FOXP1: variants seen among roughly 807,000 people sequenced by gnomAD.
The protein encoded by FOXP1 is forkhead box P1, also known as forkhead box protein P1.
A neutral mutation model predicts 98.2 loss-of-function variants in FOXP1; 15 were observed. The ratio of observed to expected loss-of-function variants is 0.15; its 90% CI spans 0.10 to 0.24. The LOEUF (loss-of-function observed/expected upper bound fraction) is 0.24, where lower values mean the gene tolerates loss of function less well. FOXP1 is among the 10% of genes least tolerant of loss of function. The pLI, the probability that FOXP1 is intolerant of heterozygous loss-of-function variation, is 1.00. For missense variants in FOXP1, 633 were observed against 848.5 expected, an observed-to-expected ratio of 0.75 and a Z score of 3.15; for synonymous variants, 371 against 314.5, an observed-to-expected ratio of 1.18 and a Z score of -1.90.
chr3:71,049,826 C>T (rs1201554850), intron 9 of FOXP1, among the ~76,000 whole-genome samples: 1 of 152,152 alleles, frequency 6.6e-6, no homozygotes, highest in African/African-American at 2.4e-5. Context: ...GGACCACCAC[C>T]TGCATGATAA....
intron 3 of FOXP1, among the ~76,000 whole-genome samples, chr3:71,386,889 TACTG>T (rs918111347): frequency 4.6e-5 from 7 of 152,192 alleles, no homozygotes; most frequent in Non-Finnish European, 7.3e-5. Flanking sequence ...TAATTAATGT[TACTG>T]AATTCTTTAC....
At chr3:71,046,870 T>C in intron 10 of FOXP1, 72 bp downstream of exon 10, 3 of 1,524,632 alleles carry the variant, frequency 2.0e-6, no homozygotes, top group Admixed American at 1.7e-5. Context: ...TTAACAAATA[T>C]ACCAAGAGAC....
At chr3:71,544,484 A>G (rs1356143379) in intron 2 of FOXP1, among the ~76,000 whole-genome samples, 2 of 152,218 alleles carry the variant, frequency 1.3e-5, no homozygotes, top group East Asian at 3.9e-4. Flanking sequence ...AGTTTGATCA[A>G]ATTCAAAGAA....
At chr3:71,083,762 C>G (rs939665003) in intron 7 of FOXP1, among the ~76,000 whole-genome samples, 2 of 152,174 alleles carry the variant, frequency 1.3e-5, no homozygotes, top group South Asian at 2.1e-4. Flanking sequence ...CTGGTTCCAG[C>G]TGGGTCTGAG....
intron 7 of FOXP1, among the ~76,000 whole-genome samples, chr3:71,074,812 C>G (rs1173543558): frequency 1.3e-5 from 2 of 152,204 alleles, no homozygotes; most frequent in Admixed American, 6.5e-5. Flanking sequence ...CAACCCACAA[C>G]TGGGCTGGCT....
intron 4 of FOXP1, among the ~76,000 whole-genome samples, chr3:71,329,287 T>A (rs1028864407): frequency 2.6e-5 from 4 of 151,874 alleles, no homozygotes; most frequent in African/African-American, 9.7e-5. Flanking sequence ...AGTGTCGTGA[T>A]CTCTGCTCAC....
intron 11 of FOXP1, among the ~76,000 whole-genome samples, chr3:71,030,103 T>A (rs1275933302): frequency 6.6e-6 from 1 of 152,212 alleles, no homozygotes; most frequent in African/African-American, 2.4e-5. Flanking sequence ...TAGAGCAGCC[T>A]GCATTCTTCA....
chr3:71,417,624 A>T (rs72959380), intron 3 of FOXP1, among the ~76,000 whole-genome samples: 4,939 of 152,228 alleles, frequency 0.032, 276 homozygotes, highest in African/African-American at 0.11. Flanking sequence ...TTAGGAGACA[A>T]AAATTGACTA....
At chr3:71,166,012 T>TC (rs2061381601) in intron 6 of FOXP1, among the ~76,000 whole-genome samples, 1 of 152,126 alleles carries the variant, frequency 6.6e-6, no homozygotes, top group Non-Finnish European at 1.5e-5. Context: ...GAAAACAAGT[T>TC]CCCCAAAAGA....
chr3:70,987,899 G>A (rs1419349813), intron 14 of FOXP1, 95 bp downstream of exon 14: 1 of 1,124,602 alleles, frequency 8.9e-7, no homozygotes, highest in African/African-American at 1.5e-5. Context: ...CTCCACCAAA[G>A]TAGGCTGGTC....
chr3:71,401,331 C>G (rs1267890847), intron 3 of FOXP1, among the ~76,000 whole-genome samples: 6 of 152,046 alleles, frequency 3.9e-5, no homozygotes, highest in Non-Finnish European at 8.8e-5. Context: ...GATGACGGAT[C>G]AAGAGGAATG....
intron 6 of FOXP1, among the ~76,000 whole-genome samples, chr3:71,151,910 C>T (rs577804322): frequency 1.3e-5 from 2 of 152,216 alleles, no homozygotes; most frequent in East Asian, 3.9e-4. Flanking sequence ...CCCCTAATGA[C>T]CATATGCTTG....
At chr3:71,491,978 C>A (rs1451837028) in intron 3 of FOXP1, among the ~76,000 whole-genome samples, 4 of 152,160 alleles carry the variant, frequency 2.6e-5, no homozygotes, top group African/African-American at 9.7e-5. Flanking sequence ...GAAAGAACCA[C>A]TGAATGATGA....
At chr3:71,021,350 G>A (rs1272163720) in intron 11 of FOXP1, among the ~76,000 whole-genome samples, 5 of 152,110 alleles carry the variant, frequency 3.3e-5, no homozygotes, top group Admixed American at 2.0e-4. Context: ...AGTTTCATTC[G>A]TTTACACTGT....
chr3:71,433,932 C>T (rs543108990), intron 3 of FOXP1, among the ~76,000 whole-genome samples: 3 of 152,358 alleles, frequency 2.0e-5, no homozygotes, highest in African/African-American at 4.8e-5. Flanking sequence ...CCCAAGCCCA[C>T]GTTACAGCTT....
chr3:71,208,461 C>T (rs1162437463), intron 5 of FOXP1, among the ~76,000 whole-genome samples: 4 of 151,964 alleles, frequency 2.6e-5, no homozygotes, highest in African/African-American at 9.7e-5. Flanking sequence ...GAAAAGCAAA[C>T]CTAAGTCTGT....
chr3:71,449,536 G>A (rs756926019), intron 3 of FOXP1, among the ~76,000 whole-genome samples: 19 of 152,174 alleles, frequency 1.2e-4, no homozygotes, highest in Non-Finnish European at 2.4e-4. Context: ...CTATTTCCTA[G>A]AACCTTACCA....
At chr3:71,369,578 A>G (rs1019811053) in intron 3 of FOXP1, among the ~76,000 whole-genome samples, 6 of 152,114 alleles carry the variant, frequency 3.9e-5, no homozygotes, top group African/African-American at 1.4e-4. Context: ...TATTTTTAGT[A>G]GAGACGGGGT....
intron 3 of FOXP1, among the ~76,000 whole-genome samples, chr3:71,381,992 A>G (rs1469252980): frequency 6.6e-6 from 1 of 152,204 alleles, no homozygotes; most frequent in Non-Finnish European, 1.5e-5. Context: ...TAAAAATATG[A>G]AAACAGGCCC....
Sources: gnomAD v4.1 joint callset for allele counts (sites outside exome capture counted in the v4.1 genomes callset) on GRCh38, gnomAD v4.1.1 for gene constraint, MANE v1.5 for transcripts, NCBI Gene and HGNC (gene_info 2026-07-23, HGNC 2026-07-21) for gene names.